The following ARFGEF3 variants were observed in gnomAD, a reference collection of about 807,000 sequenced individuals.
ARFGEF3 encodes ARFGEF family member 3.
A neutral mutation model predicts 221.7 loss-of-function variants in ARFGEF3; 96 were observed. That is an observed-to-expected ratio of 0.43 (90% confidence interval 0.37 to 0.51). The LOEUF is 0.51. Ranked by LOEUF, ARFGEF3 falls within the 20% of genes least tolerant of loss-of-function variation. The pLI, the probability that ARFGEF3 is intolerant of heterozygous loss-of-function variation, is 0.00. For missense variants in ARFGEF3, 2,410 were observed against 2,789.9 expected, an observed-to-expected ratio of 0.86 and a Z score of 3.07; for synonymous variants, 1,145 against 1,126.8, an observed-to-expected ratio of 1.02 and a Z score of -0.32.
chr6:138,220,956 G>T (rs1238836790), intron 4 of ARFGEF3, among the ~76,000 whole-genome samples: 1 of 152,206 alleles, frequency 6.6e-6, no homozygotes, highest in African/African-American at 2.4e-5. Flanking sequence ...TATGCCTCAT[G>T]TATCGGAAAC....
At position 138,186,440 on chromosome 6, in the gene ARFGEF3, C is replaced by CA. The variant is rs1777184324; in HGVS notation, c.137+15728dup. Among the ~76,000 whole-genome samples, 4 of 152,352 alleles carry CA rather than the reference C, an allele frequency of 2.6e-5. No homozygotes were observed. In the South Asian group the frequency reaches 8.3e-4, roughly 32 times the overall value. On this transcript the variant is annotated intron_variant, in intron 2 of 33. Transcript: ENST00000251691. ...ATGGCTGTTGCAGCTTCAGATCTCA[C>CA]ATCCCCATCCAGAAAGAAGTCAAAG...
At chr6:138,273,669 G>A (rs942448373) in intron 12 of ARFGEF3, among the ~76,000 whole-genome samples, 1 of 152,178 alleles carries the variant, frequency 6.6e-6, no homozygotes, top group African/African-American at 2.4e-5. Context: ...GACCTTTGCC[G>A]ATTTTGAGCC....
At chr6:138,316,351 C>G (rs1271021783) in intron 26 of ARFGEF3, among the ~76,000 whole-genome samples, 6 of 152,082 alleles carry the variant, frequency 3.9e-5, no homozygotes, top group Admixed American at 3.9e-4. Flanking sequence ...CGCTGGTTTT[C>G]AAAGGCAAAT....
At chr6:138,283,044 C>CT (rs2114623460) in intron 14 of ARFGEF3, among the ~76,000 whole-genome samples, 1 of 151,566 alleles carries the variant, frequency 6.6e-6, no homozygotes, top group South Asian at 2.1e-4. Flanking sequence ...GAGCGAGACT[C>CT]TGTCTTTTTA....
intron 2 of ARFGEF3, among the ~76,000 whole-genome samples, chr6:138,186,892 C>T (rs1373216984): frequency 7.0e-6 from 1 of 143,794 alleles, no homozygotes; most frequent in Non-Finnish European, 1.5e-5. Context: ...TTATTCCTCT[C>T]ATCCTTTTTC....
chr6:138,311,593 C>A, intron 25 of ARFGEF3, 83 bp downstream of exon 25: 2 of 904,346 alleles, frequency 2.2e-6, no homozygotes, highest in Non-Finnish European at 3.5e-6. Flanking sequence ...GGGTCTTTTG[C>A]TGAAGCCCGA....
chr6:138,343,115 T>C lies in ARFGEF3; in HGVS notation c.*6629T>C, dbSNP rs1342696184. 6.6e-6 allele frequency: 1 copy of C among 152,232 alleles called. No individual in the cohort carries two copies. The highest frequency in any genetic ancestry group is 2.4e-5 in the African/African-American group (1 of 41,462). 9.4% of individuals were successfully genotyped at this position (152,232 alleles called of 1,614,324 possible). A position where few individuals can be genotyped will look rare whatever the true frequency, so the allele number is the denominator to read the frequency against. On this transcript the variant is annotated 3_prime_UTR_variant, in exon 34 of 34. Coordinates refer to ENST00000251691, the MANE Select transcript of ARFGEF3 (RefSeq NM_020340.5). Reference sequence around the variant, plus strand: ...CATATAGAGGGGGCCTTAGTTTATCTCTTCTTTACTGAATTAATTAGTTTT... The same window carrying C: ...CATATAGAGGGGGCCTTAGTTTATCCCTTCTTTACTGAATTAATTAGTTTT...
chr6:138,334,420 G>T lies in ARFGEF3; in HGVS notation c.5574G>T (p.Glu1858Asp). ...STDSSQQCSSEDEDIFEETAQ... is the reference protein window; with the variant it reads ...STDSSQQCSSDDEDIFEETAQ... ...ATTCTTCCCAGCAGTGTTCATCTGA[G>T]GATGAAGACATCTTTGAGGAAACCG... The change falls in exon 33 of 34, where the codon GAG (glutamate) becomes GAT (aspartate). Residue 1858 changes from glutamate (E) to aspartate (D), a missense_variant. Transcript: ENST00000251691. This position sits in a 1 kb window ranked among gnomAD's most constrained non-coding sequence, Gnocchi z 5.1. The T allele has an allele frequency of 6.2e-7, 1 of 1,612,190 alleles. No individual in the cohort carries two copies. The highest frequency in any genetic ancestry group is 1.3e-5 in the African/African-American group (1 of 74,992).
intron 4 of ARFGEF3, among the ~76,000 whole-genome samples, chr6:138,212,818 T>C (rs1365203509): frequency 2.0e-5 from 3 of 151,992 alleles, no homozygotes; most frequent in African/African-American, 4.8e-5. Flanking sequence ...TAGGTGGGAA[T>C]TGAACAATGA....
At chr6:138,170,362 A>C (rs866608118) in intron 1 of ARFGEF3, among the ~76,000 whole-genome samples, 12 of 152,326 alleles carry the variant, frequency 7.9e-5, no homozygotes, top group Middle Eastern at 6.8e-3. Context: ...ATTGTATCTT[A>C]GTTGTAACTA....
At chr6:138,236,744 C>G (rs1778295677) in intron 5 of ARFGEF3, among the ~76,000 whole-genome samples, 1 of 152,204 alleles carries the variant, frequency 6.6e-6, no homozygotes. Context: ...GCTAGGATTA[C>G]AGGTGTGAGC....
At chr6:138,275,335 T>A (rs1382979548) in intron 12 of ARFGEF3, among the ~76,000 whole-genome samples, 2 of 152,160 alleles carry the variant, frequency 1.3e-5, no homozygotes, top group African/African-American at 2.4e-5. Context: ...GGGAATAATA[T>A]ATATGCTTAG....
chr6:138,279,244 C>T (rs907765165), intron 13 of ARFGEF3, among the ~76,000 whole-genome samples: 2 of 152,184 alleles, frequency 1.3e-5, no homozygotes, highest in African/African-American at 4.8e-5. Context: ...CCTTGAACTC[C>T]TGGGCTCAAG....
chr6:138,166,464 C>T (rs1431278301), intron 1 of ARFGEF3, among the ~76,000 whole-genome samples: 1 of 152,190 alleles, frequency 6.6e-6, no homozygotes, highest in African/African-American at 2.4e-5. Flanking sequence ...TTTGTCATGA[C>T]ACTTCTCTGA....
rs144310790 is a variant in ARFGEF3 at position 138,187,645 on chromosome 6, A to G, written c.137+16932A>G. Among the ~76,000 whole-genome samples, 18 of 152,304 alleles carry G rather than the reference A, an allele frequency of 1.2e-4. No individual in the cohort carries two copies. In the East Asian group the frequency reaches 3.5e-3, roughly 29 times the overall value. The stretch of plus-strand genomic sequence containing the variant: ...GGTGATGCCCCATAAACTTGAGTCC[A>G]AATGTTTCTCTCCCAGGTTGGTTTG... On this transcript the variant is annotated intron_variant, in intron 2 of 33. Transcript: ENST00000251691.
intron 11 of ARFGEF3, among the ~76,000 whole-genome samples, chr6:138,262,397 G>T (rs1488924632): frequency 6.6e-6 from 1 of 152,012 alleles, no homozygotes; most frequent in Admixed American, 6.6e-5. Context: ...TCACCATGTT[G>T]GCCAGGCTAG....
chr6:138,224,657 C>T (rs185864983), intron 4 of ARFGEF3, among the ~76,000 whole-genome samples: 1 of 152,334 alleles, frequency 6.6e-6, no homozygotes, highest in East Asian at 1.9e-4. Flanking sequence ...CTAGCACCTC[C>T]CAGGGCCCAG....
In ARFGEF3 at chr6:138,291,195, G is replaced by A. The variant is rs930503095; in HGVS notation, c.3048-538G>A. ...TAATTCGGTGACTGCCCTCCCACCC[G>A]GCCGCCACCCACCCCACCCAGACTT... is the stretch of plus-strand genomic sequence containing the variant. On this transcript the variant is annotated intron_variant, in intron 18 of 33. Transcript: ENST00000251691. This position sits in a 1 kb window ranked among gnomAD's most constrained non-coding sequence, Gnocchi z 4.5. Among the ~76,000 whole-genome samples, 24 of 152,164 alleles carry A rather than the reference G, an allele frequency of 1.6e-4. No homozygotes were observed. Among genetic ancestry groups the A allele is most frequent in the African/African-American group, 5.8e-4 (24 of 41,508 alleles).
intron 8 of ARFGEF3, among the ~76,000 whole-genome samples, chr6:138,251,781 G>A (rs1460938934): frequency 6.6e-6 from 1 of 151,996 alleles, no homozygotes; most frequent in Non-Finnish European, 1.5e-5. Context: ...AGCATGTCCT[G>A]TGGACATTCT....
Sources: gnomAD v4.1 joint callset for allele counts (sites outside exome capture counted in the v4.1 genomes callset) on GRCh38, gnomAD v4.1.1 for gene constraint, Gnocchi (gnomAD v3.1) non-coding constraint, MANE v1.5 for transcripts, NCBI Gene and HGNC (gene_info 2026-07-23, HGNC 2026-07-21) for gene names.